HHLA2: variants seen among roughly 807,000 people sequenced by gnomAD.
HHLA2 encodes HHLA2 member of B7 family.
Under a neutral mutation model 45.9 loss-of-function variants are expected in HHLA2, and 48 were observed. The ratio of observed to expected loss-of-function variants is 1.05; its 90% CI spans 0.83 to 1.33. HHLA2 has a LOEUF of 1.33. Ranked by LOEUF, HHLA2 falls within the 40% of genes most tolerant of loss-of-function variation. HHLA2 has a pLI of 0.00. For missense variants in HHLA2, 462 were observed against 494.3 expected (o/e 0.93, Z 0.62); for synonymous variants, 161 against 173.9 (o/e 0.93, Z 0.59).
intron 3 of HHLA2, among the ~76,000 whole-genome samples, chr3:108,329,190 C>T (rs1267860210): frequency 6.6e-6 from 1 of 152,114 alleles, no homozygotes; most frequent in African/African-American, 2.4e-5. Flanking sequence ...AAGAAAGTGC[C>T]ACAGGAGCTT....
Position 108,375,473 on chromosome 3 carries a change from GAAT to G in HHLA2, c.1109-266_1109-264del, listed in dbSNP as rs59809731. Among the ~76,000 whole-genome samples the G allele has an allele frequency of 1.8e-3, 270 of 151,606 alleles. 2 individuals are homozygous for G. In the East Asian group the frequency reaches 0.039, roughly 22 times the overall value. Reference sequence around the variant, plus strand: ...TGCACATGTACCCTAAAACTTAAAAGAATAATAATAATACAAAATAAATAAAAA... The same window carrying G: ...TGCACATGTACCCTAAAACTTAAAAGAATAATAATACAAAATAAATAAAAA... On this transcript the variant is annotated intron_variant, in intron 8 of 10. Transcript: ENST00000619531.
intron 7 of HHLA2, 142 bp downstream of exon 6, chr3:108,358,303 G>A: frequency 6.6e-6 from 4 of 607,630 alleles, no homozygotes; most frequent in Middle Eastern, 4.4e-4. Context: ...TTCTGGTCAG[G>A]ATGTCGATTA....
chr3:108,319,692 A>G (rs762634164), intron 2 of HHLA2, among the ~76,000 whole-genome samples: 1 of 152,218 alleles, frequency 6.6e-6, no homozygotes, highest in Non-Finnish European at 1.5e-5. Flanking sequence ...TGCGGTTTCT[A>G]TCATACTCCT....
chr3:108,325,539 T>G (rs2081272224), intron 2 of HHLA2: 1 of 280,000 alleles, frequency 3.6e-6, no homozygotes, highest in South Asian at 4.1e-5. Context: ...ACTGGAACCA[T>G]CATAGCCATC....
chr3:108,354,754 C>T (rs2081853006), intron 5 of HHLA2, among the ~76,000 whole-genome samples: 3 of 152,064 alleles, frequency 2.0e-5, no homozygotes, highest in Admixed American at 2.0e-4. Flanking sequence ...TGCTCTGAGT[C>T]AGTATTTGAG....
rs577053786 is a variant in HHLA2, at chr3:108,349,573, G to A, written c.-26-2215G>A. Among the ~76,000 whole-genome samples, 13 of 152,292 alleles carry A rather than the reference G, an allele frequency of 8.5e-5. No individual in the cohort carries two copies. The South Asian group carries it at 2.1e-3, about 24-fold the overall frequency. ...CAAATTCTACCAGAGGTACAAAGAG[G>A]AGCTGGTACCATTCCTTCTGAAATG... On this transcript the variant is annotated intron_variant, in intron 3 of 10. Coordinates refer to ENST00000619531, the Ensembl canonical transcript of HHLA2.
At chr3:108,310,484 G>A (rs1477495794) in intron 1 of HHLA2, among the ~76,000 whole-genome samples, 171 bp from the exon 2 acceptor site, 1 of 152,138 alleles carries the variant, frequency 6.6e-6, no homozygotes, top group Non-Finnish European at 1.5e-5. Flanking sequence ...TTCTTGGCAA[G>A]TCAGAGTAAT....
chr3:108,374,513 A>G (rs1366053404), intron 8 of HHLA2, among the ~76,000 whole-genome samples: 8 of 150,042 alleles, frequency 5.3e-5, no homozygotes, highest in Non-Finnish European at 1.1e-4. Context: ...TCTGCACAGC[A>G]AAAGAAACTA....
chr3:108,305,453 G>A (rs2080914374), intron 1 of HHLA2, among the ~76,000 whole-genome samples: 1 of 152,154 alleles, frequency 6.6e-6, no homozygotes, highest in African/African-American at 2.4e-5. Flanking sequence ...AAGAAGATGG[G>A]GGGATTCATC....
intron 3 of HHLA2, among the ~76,000 whole-genome samples, chr3:108,336,802 T>TAA (rs10696366): frequency 0.055 from 8,095 of 146,572 alleles, 222 homozygotes; most frequent in African/African-American, 0.061. Flanking sequence ...GTTATTCCAT[T>TAA]AAAAAAAAAA....
chr3:108,328,321 A>G (rs2107369529), exon 3 of HHLA2: 5 of 1,532,036 alleles, frequency 3.3e-6, no homozygotes, highest in East Asian at 2.5e-5. Flanking sequence ...TGTGGAATAT[A>G]CTAAAGCCTA....
At chr3:108,298,235 G>A (rs2080794778) in intron 1 of HHLA2, among the ~76,000 whole-genome samples, 2 of 152,212 alleles carry the variant, frequency 1.3e-5, no homozygotes, top group South Asian at 4.1e-4. Context: ...TAGCTATTAG[G>A]TATTCCCTAT....
intron 3 of HHLA2, among the ~76,000 whole-genome samples, chr3:108,335,493 A>T (rs1349407816): frequency 6.6e-6 from 1 of 152,210 alleles, no homozygotes; most frequent in East Asian, 1.9e-4. Flanking sequence ...CATTAGGTAG[A>T]ATGTTGGGTA....
intron 8 of HHLA2, among the ~76,000 whole-genome samples, chr3:108,369,806 G>A (rs1342117716): frequency 6.6e-6 from 1 of 152,216 alleles, no homozygotes; most frequent in African/African-American, 2.4e-5. Flanking sequence ...GGTAAACAAA[G>A]CAGCCAGGAA....
At chr3:108,373,007 C>A (rs539015906) in intron 8 of HHLA2, among the ~76,000 whole-genome samples, 51 of 152,174 alleles carry the variant, frequency 3.4e-4, no homozygotes, top group Non-Finnish European at 6.0e-4. Flanking sequence ...GATAGCAAAG[C>A]CTGGCAGAGA....
intron 2 of HHLA2, among the ~76,000 whole-genome samples, chr3:108,321,499 C>T (rs891478862): frequency 1.3e-5 from 2 of 152,106 alleles, no homozygotes; most frequent in Admixed American, 1.3e-4. Flanking sequence ...TTTCTTTTTG[C>T]TGGCAAGTCA....
At chr3:108,361,915 T>C (rs974030144) in intron 7 of HHLA2, among the ~76,000 whole-genome samples, 2 of 152,230 alleles carry the variant, frequency 1.3e-5, no homozygotes, top group African/African-American at 4.8e-5. Flanking sequence ...CTGAGGCTAA[T>C]TTATGGACAT....
At chr3:108,323,531 A>AGT (rs1472748690) in intron 2 of HHLA2, among the ~76,000 whole-genome samples, 2 of 152,278 alleles carry the variant, frequency 1.3e-5, no homozygotes, top group East Asian at 3.9e-4. Flanking sequence ...AGAAATCCTG[A>AGT]GTGGGCTCAT....
chr3:108,367,408 C>G (rs2082082193), intron 8 of HHLA2, among the ~76,000 whole-genome samples: 1 of 151,988 alleles, frequency 6.6e-6, no homozygotes, highest in South Asian at 2.1e-4. Flanking sequence ...ACAAACTCCT[C>G]TGAGCTAAAG....
Sources: gnomAD v4.1 joint callset for allele counts (sites outside exome capture counted in the v4.1 genomes callset) on GRCh38, gnomAD v4.1.1 for gene constraint, MANE v1.5 for transcripts, NCBI Gene and HGNC (gene_info 2026-07-23, HGNC 2026-07-21) for gene names.